The following MTUS2 variants were observed in gnomAD, a reference collection of about 807,000 sequenced individuals.
MTUS2 encodes the protein microtubule-associated tumor suppressor candidate 2.
In MTUS2, 40 loss-of-function variants were observed where a neutral mutation model predicts 114.1. The observed-to-expected ratio is 0.35, with a 90% CI of 0.27 to 0.46. MTUS2 has a LOEUF of 0.46. Ranked by LOEUF, MTUS2 falls within the 20% of genes least tolerant of loss-of-function variation. MTUS2 has a pLI of 1.00. For synonymous variants in MTUS2, 688 were observed against 672.0 expected, an observed-to-expected ratio of 1.02 and a Z score of -0.37; for missense variants, 1,679 against 1,705.4, an observed-to-expected ratio of 0.98 and a Z score of 0.27.
At chr13:29,131,373 A>G (rs896229577) in intron 5 of MTUS2, among the ~76,000 whole-genome samples, 2 of 152,250 alleles carry the variant, frequency 1.3e-5, no homozygotes, top group African/African-American at 4.8e-5. Flanking sequence ...CATACTGGAT[A>G]TGAGACAGCT....
intron 2 of MTUS2, among the ~76,000 whole-genome samples, chr13:28,999,149 G>A (rs1028960018): frequency 2.0e-5 from 3 of 152,202 alleles, no homozygotes; most frequent in Admixed American, 6.5e-5. Context: ...GTTTGCTGGA[G>A]GTCCACTCCA....
rs564201103 is a variant in MTUS2 at position 29,030,655 on chromosome 13, T to G, written c.2206-3230T>G. On this transcript the variant is annotated intron_variant, in intron 3 of 15. Coordinates refer to ENST00000612955, the MANE Select transcript of MTUS2 (RefSeq NM_001033602.4). ...CAAGCTCATCATGGGGTGGCTGCAG[T>G]CTGGTCTCTAGGAAAAGAACACATT... Among the ~76,000 whole-genome samples the G allele has an allele frequency of 3.3e-5, 5 of 152,284 alleles. No individual in the cohort carries two copies. The South Asian group carries it at 8.3e-4, about 25-fold the overall frequency.
intron 5 of MTUS2, among the ~76,000 whole-genome samples, chr13:29,207,887 T>C (rs969639709): frequency 2.0e-5 from 3 of 152,134 alleles, no homozygotes; most frequent in African/African-American, 7.2e-5. Flanking sequence ...TAATTTTCTT[T>C]TTTGTGTGTG....
chr13:29,498,453 C>T lies in MTUS2; in HGVS notation c.3714C>T (p.Asp1238=). ...ALAPYQHLEE[D]MKSLKQVLEM... ...CTCCTTATCAGCACTTGGAAGAAGA[C>T]ATGAAGAGTCTGAAGCAGGTATTAG... The change falls in exon 14 of 16, where the codon GAC becomes GAT. Residue 1238 remains aspartate, a synonymous_variant. Transcript: ENST00000612955. 1.2e-6 allele frequency: 2 copies of T among 1,614,136 alleles called. No individual in the cohort carries two copies. The highest frequency in any genetic ancestry group is 1.7e-6 in the Non-Finnish European group (2 of 1,180,030).
chr13:28,968,144 T>C (rs1883685123), intron 2 of MTUS2, among the ~76,000 whole-genome samples: 1 of 152,224 alleles, frequency 6.6e-6, no homozygotes, highest in Non-Finnish European at 1.5e-5. Flanking sequence ...TTCTGATTTT[T>C]TGAGGTATCA....
intron 5 of MTUS2, among the ~76,000 whole-genome samples, chr13:29,216,805 G>C (rs185955473): frequency 6.6e-6 from 1 of 152,038 alleles, no homozygotes; most frequent in Non-Finnish European, 1.5e-5. Context: ...TTTTCTATTC[G>C]GCCATCTTGG....
intron 7 of MTUS2, among the ~76,000 whole-genome samples, chr13:29,338,192 AC>A (rs1445427539): frequency 6.6e-6 from 1 of 152,128 alleles, no homozygotes; most frequent in African/African-American, 2.4e-5. Context: ...GGCTTGTTTC[AC>A]ATTCTCCTAA....
chr13:28,953,032 C>T (rs557232659), intron 2 of MTUS2, among the ~76,000 whole-genome samples: 1 of 152,282 alleles, frequency 6.6e-6, no homozygotes, highest in East Asian at 1.9e-4. Context: ...TGTGAGAATG[C>T]CCCTTTCTTG....
chr13:29,037,888 G>A (rs1887156724), intron 4 of MTUS2, among the ~76,000 whole-genome samples: 1 of 152,128 alleles, frequency 6.6e-6, no homozygotes, highest in Admixed American at 6.5e-5. Context: ...TCTCTAGACT[G>A]GTTATTCTAG....
intron 8 of MTUS2, among the ~76,000 whole-genome samples, chr13:29,406,110 A>G (rs1466189733): frequency 2.0e-5 from 3 of 152,158 alleles, no homozygotes; most frequent in Non-Finnish European, 4.4e-5. Flanking sequence ...AAAATAACAT[A>G]TTTCAGATAG....
chr13:29,152,086 G>A (rs755834664), intron 5 of MTUS2, among the ~76,000 whole-genome samples: 3 of 151,670 alleles, frequency 2.0e-5, no homozygotes, highest in African/African-American at 7.3e-5. Context: ...GATTTTTTTT[G>A]GGGGGGAATA....
chr13:29,429,038 C>A, intron 8 of MTUS2: 1 of 795,216 alleles, frequency 1.3e-6, no homozygotes, highest in Non-Finnish European at 2.1e-6. Flanking sequence ...TTACTCGTTC[C>A]AATGTGCTGA....
intron 2 of MTUS2, among the ~76,000 whole-genome samples, chr13:28,943,459 G>A (rs1421146386): frequency 2.0e-5 from 3 of 152,200 alleles, no homozygotes; most frequent in Non-Finnish European, 4.4e-5. Flanking sequence ...TACACTAGCT[G>A]CATTTCAAGT....
chr13:29,065,555 A>G (rs1888625844), intron 4 of MTUS2, among the ~76,000 whole-genome samples: 1 of 152,184 alleles, frequency 6.6e-6, no homozygotes, highest in African/African-American at 2.4e-5. Flanking sequence ...CATAGTTTTC[A>G]AATATTTTCC....
chr13:28,950,352 T>C (rs539390243), intron 2 of MTUS2, among the ~76,000 whole-genome samples: 3 of 152,360 alleles, frequency 2.0e-5, no homozygotes, highest in African/African-American at 7.2e-5. Context: ...GTATTAATCG[T>C]TTGTCAGATA....
At chr13:28,869,341 C>A (rs2138094902) in intron 2 of MTUS2, among the ~76,000 whole-genome samples, 1 of 152,330 alleles carries the variant, frequency 6.6e-6, no homozygotes, top group African/African-American at 2.4e-5. Flanking sequence ...CTTTTCAAAG[C>A]AGTTAAATGC....
rs9550432 is a variant in MTUS2 at position 29,002,645 on chromosome 13, G to C, written c.-242-21812G>C. 3.0e-4 allele frequency among the ~76,000 whole-genome samples: 45 copies of C among 152,326 alleles called. No homozygotes were observed. The East Asian group carries it at 8.5e-3, about 29-fold the overall frequency. ...TGAGCAAATAGTTTAGGAGCAAACAGATCTTTAAATCTAGCAGTTAATCCC... is the reference window on the plus strand; with the variant it reads ...TGAGCAAATAGTTTAGGAGCAAACACATCTTTAAATCTAGCAGTTAATCCC... On this transcript the variant is annotated intron_variant, in intron 2 of 15. Coordinates refer to ENST00000612955, the MANE Select transcript of MTUS2 (RefSeq NM_001033602.4).
chr13:28,991,226 G>A (rs1884836973), intron 2 of MTUS2, among the ~76,000 whole-genome samples: 1 of 152,182 alleles, frequency 6.6e-6, no homozygotes, highest in South Asian at 2.1e-4. Flanking sequence ...TGCTGCTCTT[G>A]ATCATGTGGG....
chr13:29,364,344 C>T (rs1566155728), intron 8 of MTUS2, among the ~76,000 whole-genome samples: 1 of 152,046 alleles, frequency 6.6e-6, no homozygotes, highest in Non-Finnish European at 1.5e-5. Flanking sequence ...CACCCGATGC[C>T]TGCTGTCTGC....
Sources: gnomAD v4.1 joint callset for allele counts (sites outside exome capture counted in the v4.1 genomes callset) on GRCh38, gnomAD v4.1.1 for gene constraint, MANE v1.5 for transcripts, NCBI Gene and HGNC (gene_info 2026-07-23, HGNC 2026-07-21) for gene names.